Variants in AOPEP observed in about 807,000 individuals in gnomAD.
AOPEP encodes aminopeptidase O.
AOPEP carries 77 observed loss-of-function variants against 98.1 expected under a neutral mutation model. The observed-to-expected ratio is 0.78, with a 90% CI of 0.65 to 0.95. AOPEP has a LOEUF of 0.95. Among genes scored for constraint, AOPEP ranks in the 40% least tolerant of loss-of-function variants. The pLI is 0.00. For missense variants in AOPEP, 1,024 were observed against 1,024.7 expected (o/e 1.00, Z 0.01); for synonymous variants, 346 against 365.3 (o/e 0.95, Z 0.60).
At chr9:94,827,444 G>A (rs1413815076) in intron 5 of AOPEP, among the ~76,000 whole-genome samples, 1 of 152,168 alleles carries the variant, frequency 6.6e-6, no homozygotes, top group Non-Finnish European at 1.5e-5. Flanking sequence ...ATTCTAAAAT[G>A]TTTGTTGTCT....
intron 13 of AOPEP, among the ~76,000 whole-genome samples, chr9:95,059,626 T>G (rs2067150432): frequency 6.6e-6 from 1 of 152,126 alleles, no homozygotes; most frequent in South Asian, 2.1e-4. Flanking sequence ...CAGTACTTTT[T>G]AAAAATTGTT....
the AOPEP span, among the ~76,000 whole-genome samples, chr9:95,141,311 CAAAAAAAAAAAAA>C: frequency 0.015 from 834 of 55,014 alleles, 17 homozygotes; most frequent in Middle Eastern, 0.071. Context: ...GACCCTGTCT[CAAAAAAAAAAAAA>C]AAAAAAAAAA....
At chr9:95,087,653 G>T (rs1392802797), downstream of AOPEP, among the ~76,000 whole-genome samples, 1 of 152,124 alleles carries the variant, frequency 6.6e-6, no homozygotes, top group Admixed American at 6.5e-5. Context: ...ACCCTCTTCC[G>T]ATAAAATGGA....
intron 5 of AOPEP, among the ~76,000 whole-genome samples, chr9:94,812,268 G>C (rs1000506861): frequency 6.6e-6 from 1 of 152,154 alleles, no homozygotes; most frequent in Non-Finnish European, 1.5e-5. Flanking sequence ...GTGCTCCACT[G>C]TTTGGTGGGC....
intron 5 of AOPEP, among the ~76,000 whole-genome samples, chr9:94,828,733 C>T (rs1049978384): frequency 6.6e-6 from 1 of 151,724 alleles, no homozygotes; most frequent in African/African-American, 2.4e-5. Context: ...TATACACACA[C>T]AATATATATA....
At chr9:94,935,499 A>G (rs888346089) in intron 7 of AOPEP, 2 of 152,356 alleles carry the variant, frequency 1.3e-5, no homozygotes, top group African/African-American at 4.8e-5. Context: ...GTTACTCTGG[A>G]AGAAGCATGG....
At chr9:94,850,557 T>C (rs1275083855) in intron 5 of AOPEP, among the ~76,000 whole-genome samples, 3 of 152,122 alleles carry the variant, frequency 2.0e-5, no homozygotes, top group Non-Finnish European at 1.5e-5. Context: ...CTGAAGCCCA[T>C]ATACTCAGTT....
chr9:95,004,347 C>T, intron 11 of AOPEP: 1 of 453,656 alleles, frequency 2.2e-6, no homozygotes, highest in Non-Finnish European at 4.4e-6. Context: ...TTAAATTCTA[C>T]CCAGTGGTTC....
chr9:95,101,828 G>GT, the AOPEP span: 6 of 1,613,938 alleles, frequency 3.7e-6, no homozygotes, highest in Non-Finnish European at 5.1e-6. Flanking sequence ...GATCTCGTGA[G>GT]TTATCTCAGC....
chr9:95,104,362 G>GTCTGCTCTGGGAATGGGCT, the AOPEP span, among the ~76,000 whole-genome samples: 30 of 152,224 alleles, frequency 2.0e-4, no homozygotes, highest in African/African-American at 6.8e-4. Context: ...CCACACTGGC[G>GTCTGCTCTGGGAATGGGCT]TCTGCTCTGG....
At chr9:94,821,598 T>C (rs1167229117) in intron 5 of AOPEP, among the ~76,000 whole-genome samples, 2 of 151,810 alleles carry the variant, frequency 1.3e-5, no homozygotes, top group Non-Finnish European at 2.9e-5. Context: ...CAAGGAAGAG[T>C]GAGTTGAGCT....
chr9:94,994,810 G>A (rs1441452692), intron 11 of AOPEP, among the ~76,000 whole-genome samples: 3 of 152,124 alleles, frequency 2.0e-5, no homozygotes, highest in Non-Finnish European at 4.4e-5. Context: ...AATTAGCCGG[G>A]TGTGGTGGTG....
intron 5 of AOPEP, among the ~76,000 whole-genome samples, chr9:94,911,054 T>C (rs1410397879): frequency 6.6e-6 from 1 of 152,200 alleles, no homozygotes; most frequent in Non-Finnish European, 1.5e-5. Context: ...CTACTTGAGC[T>C]CACTTTAGAA....
chr9:94,883,862 A>G (rs2135908527), intron 5 of AOPEP, among the ~76,000 whole-genome samples: 1 of 152,310 alleles, frequency 6.6e-6, no homozygotes, highest in East Asian at 1.9e-4. Flanking sequence ...ACTGAAGACC[A>G]TGTGAAGAGG....
chr9:94,837,074 A>C (rs994369569), intron 5 of AOPEP, among the ~76,000 whole-genome samples: 3 of 152,316 alleles, frequency 2.0e-5, no homozygotes, highest in South Asian at 4.1e-4. Context: ...GAAATGGGAG[A>C]TGTTACAACC....
intron 5 of AOPEP, among the ~76,000 whole-genome samples, chr9:94,808,287 G>A (rs1474869930): frequency 6.6e-6 from 1 of 152,206 alleles, no homozygotes; most frequent in African/African-American, 2.4e-5. Flanking sequence ...CAGTCCACCT[G>A]CCTCGGCCTC....
At chr9:95,140,239 A>G in the AOPEP span, among the ~76,000 whole-genome samples, 2 of 152,258 alleles carry the variant, frequency 1.3e-5, no homozygotes, top group South Asian at 4.2e-4. Flanking sequence ...TCTGATTTAC[A>G]GTGACAGCGT....
At chr9:94,816,234 A>G (rs1321863573) in intron 5 of AOPEP, among the ~76,000 whole-genome samples, 1 of 152,192 alleles carries the variant, frequency 6.6e-6, no homozygotes, top group Non-Finnish European at 1.5e-5. Flanking sequence ...AGGCACAGGC[A>G]TGGCCCCCAC....
chr9:94,863,838 G>A (rs930949798), intron 5 of AOPEP, among the ~76,000 whole-genome samples: 4 of 152,220 alleles, frequency 2.6e-5, no homozygotes, highest in African/African-American at 9.7e-5. Context: ...AGAAGAAAGA[G>A]TGAAAGGCCT....
Sources: allele counts gnomAD v4.1 joint callset (sites outside exome capture counted in the v4.1 genomes callset), GRCh38; gene constraint gnomAD v4.1.1; transcripts MANE v1.5; gene names NCBI Gene and HGNC (gene_info 2026-07-23, HGNC 2026-07-21).